The following ATP8A2 variants were observed in gnomAD, a reference collection of about 807,000 sequenced individuals.
ATP8A2 encodes the protein phospholipid-transporting ATPase IB.
A neutral mutation model predicts 165.6 loss-of-function variants in ATP8A2; 100 were observed. The ratio of observed to expected loss-of-function variants is 0.60; its 90% CI spans 0.51 to 0.71. The LOEUF is 0.71. Among genes scored for constraint, ATP8A2 ranks in the 30% least tolerant of loss-of-function variants. The pLI, the probability that ATP8A2 is intolerant of heterozygous loss-of-function variation, is 0.00. For synonymous variants in ATP8A2, 543 were observed against 548.8 expected, an observed-to-expected ratio of 0.99 and a Z score of 0.15; for missense variants, 1,227 against 1,479.5, an observed-to-expected ratio of 0.83 and a Z score of 2.80.
At chr13:25,908,182 G>A (rs901149800) in intron 33 of ATP8A2, among the ~76,000 whole-genome samples, 4 of 151,628 alleles carry the variant, frequency 2.6e-5, no homozygotes, top group African/African-American at 4.8e-5. Flanking sequence ...GTTTTCTACC[G>A]AGGCGTGCTT....
chr13:25,400,424 GTGTT>G (rs949935767), intron 1 of ATP8A2, among the ~76,000 whole-genome samples: 3 of 152,052 alleles, frequency 2.0e-5, no homozygotes, highest in Admixed American at 6.6e-5. Flanking sequence ...GTACATGCGA[GTGTT>G]TGTTACCTGC....
At chr13:25,472,240 A>G (rs2035864680) in intron 2 of ATP8A2, among the ~76,000 whole-genome samples, 1 of 152,076 alleles carries the variant, frequency 6.6e-6, no homozygotes. Context: ...CCAAAAATAC[A>G]AAAATTAGCC....
intron 27 of ATP8A2, among the ~76,000 whole-genome samples, chr13:25,801,146 G>A (rs892071564): frequency 1.3e-5 from 2 of 152,152 alleles, no homozygotes; most frequent in Non-Finnish European, 2.9e-5. Context: ...AACATTTGCT[G>A]GGTAGAGTTT....
intron 24 of ATP8A2, among the ~76,000 whole-genome samples, chr13:25,691,587 G>A (rs879115014): frequency 6.6e-6 from 1 of 152,242 alleles, no homozygotes; most frequent in Admixed American, 6.5e-5. Flanking sequence ...GTGCTTGCAG[G>A]TGAGAAGCCA....
intron 2 of ATP8A2, among the ~76,000 whole-genome samples, chr13:25,508,916 C>T (rs1001756200): frequency 5.9e-5 from 9 of 152,218 alleles, no homozygotes; most frequent in Non-Finnish European, 1.3e-4. Flanking sequence ...CTTCCCCCTT[C>T]TCATCCTTCT....
rs1195725680 is a variant in ATP8A2 at position 25,485,877 on chromosome 13, A to G, written c.221+16756A>G. On this transcript the variant is annotated intron_variant, in intron 2 of 36. Coordinates refer to ENST00000381655, the MANE Select transcript of ATP8A2 (RefSeq NM_016529.6). ...CTCTTCATATGTTGTTGGGTGTTCT[A>G]TCACATTGTTGGGAAAGAGTGAGTT... is the stretch of plus-strand genomic sequence containing the variant. Among the ~76,000 whole-genome samples the G allele has an allele frequency of 7.9e-5, 12 of 152,286 alleles. No individual in the cohort carries two copies. In the East Asian group the frequency reaches 1.3e-3, roughly 17 times the overall value.
At chr13:25,503,034 T>C (rs2036906384) in intron 2 of ATP8A2, among the ~76,000 whole-genome samples, 1 of 151,936 alleles carries the variant, frequency 6.6e-6, no homozygotes, top group Admixed American at 6.6e-5. Context: ...GTCATGGAGG[T>C]GTCCAAGCGG....
intron 33 of ATP8A2, among the ~76,000 whole-genome samples, chr13:25,893,365 A>G (rs1362506246): frequency 6.6e-6 from 1 of 151,558 alleles, no homozygotes; most frequent in African/African-American, 2.4e-5. Flanking sequence ...CCATGTCCCT[A>G]CAAAGGACAT....
chr13:25,531,299 TTATATATGA>T (rs1309490755), intron 4 of ATP8A2, among the ~76,000 whole-genome samples: 10 of 104,780 alleles, frequency 9.5e-5, no homozygotes, highest in African/African-American at 4.3e-4. Flanking sequence ...GATATATATG[TTATATATGA>T]TATATATGTT....
At chr13:25,857,132 T>C (rs963118677) in intron 30 of ATP8A2, among the ~76,000 whole-genome samples, 2 of 152,214 alleles carry the variant, frequency 1.3e-5, no homozygotes, top group Non-Finnish European at 2.9e-5. Context: ...CTCCTTTTCC[T>C]TCTCCCAGTG....
At chr13:25,547,920 T>C (rs2138033571) in intron 10 of ATP8A2, among the ~76,000 whole-genome samples, 1 of 152,276 alleles carries the variant, frequency 6.6e-6, no homozygotes, top group Non-Finnish European at 1.5e-5. Flanking sequence ...TGTAGGAATT[T>C]AACATTAAAA....
intron 25 of ATP8A2, among the ~76,000 whole-genome samples, chr13:25,718,966 A>C (rs2043314110): frequency 3.9e-5 from 6 of 152,150 alleles, no homozygotes; most frequent in Admixed American, 3.9e-4. Context: ...ATGTGGGGAC[A>C]CCAGTGGCAT....
intron 1 of ATP8A2, among the ~76,000 whole-genome samples, chr13:25,409,391 T>C (rs112166086): frequency 0.012 from 1,796 of 152,190 alleles, 32 homozygotes; most frequent in African/African-American, 0.041. Flanking sequence ...GGGCTCAAGA[T>C]CTAAGATGTA....
intron 27 of ATP8A2, among the ~76,000 whole-genome samples, chr13:25,776,069 A>C (rs1191085885): frequency 1.3e-5 from 2 of 152,236 alleles, no homozygotes; most frequent in Non-Finnish European, 2.9e-5. Flanking sequence ...CCGGGCCAAA[A>C]GAGTAAATGA....
intron 1 of ATP8A2, among the ~76,000 whole-genome samples, chr13:25,431,472 G>A (rs2034610103): frequency 6.6e-6 from 1 of 151,526 alleles, no homozygotes; most frequent in Non-Finnish European, 1.5e-5. Flanking sequence ...TTTAATTGAT[G>A]AATTCTAATA....
In ATP8A2 at chr13:25,391,086, T is replaced by C. The variant is rs540840366; in HGVS notation, c.76+18798T>C. ...TTCAAAGGACAGTAGATTTAAATGG[T>C]CAGGAGAGAGGGGAAATGGGATAAT... On this transcript the variant is annotated intron_variant, in intron 1 of 36. Transcript: ENST00000381655. Among the ~76,000 whole-genome samples, 105 of 152,164 alleles carry C rather than the reference T, an allele frequency of 6.9e-4. 1 individual carries two copies. Among genetic ancestry groups the C allele is most frequent in the African/African-American group, 2.3e-3 (94 of 41,516 alleles).
At chr13:25,465,700 TTTC>T (rs542835767) in intron 1 of ATP8A2, among the ~76,000 whole-genome samples, 401 of 20,912 alleles carry the variant, frequency 0.019, 4 homozygotes, top group Non-Finnish European at 0.036. Flanking sequence ...TCTTTCTTTC[TTTC>T]TTTCTTTCTT....
intron 1 of ATP8A2, among the ~76,000 whole-genome samples, chr13:25,453,471 C>A (rs140763622): frequency 1.3e-5 from 2 of 152,128 alleles, no homozygotes; most frequent in African/African-American, 4.8e-5. Context: ...GGGCTGTCTT[C>A]ATGGCTGGGG....
intron 33 of ATP8A2, among the ~76,000 whole-genome samples, chr13:25,919,792 G>A (rs918450531): frequency 2.0e-5 from 3 of 152,136 alleles, no homozygotes; most frequent in African/African-American, 7.2e-5. Context: ...TTGAGACAGA[G>A]TCTTGCTCTG....
Sources: allele counts gnomAD v4.1 joint callset (sites outside exome capture counted in the v4.1 genomes callset), GRCh38; gene constraint gnomAD v4.1.1; transcripts MANE v1.5; gene names NCBI Gene and HGNC (gene_info 2026-07-23, HGNC 2026-07-21).